The following ZUP1 variants were observed in gnomAD, a reference collection of about 807,000 sequenced individuals.
ZUP1 encodes zinc finger-containing ubiquitin peptidase 1.
ZUP1 carries 55 observed loss-of-function variants against 68.1 expected under a neutral mutation model. The ratio of observed to expected loss-of-function variants is 0.81; its 90% CI spans 0.65 to 1.01. The LOEUF is 1.01. Ranked by LOEUF, ZUP1 falls within the 50% of genes least tolerant of loss-of-function variation. The probability of loss-of-function intolerance (pLI) is 0.00; values close to 1 mark genes in which losing one functional copy is unlikely to be tolerated. For synonymous variants in ZUP1, 223 were observed against 221.5 expected (o/e 1.01, Z -0.06); for missense variants, 684 against 674.9 (o/e 1.01, Z -0.15).
intron 9 of ZUP1, among the ~76,000 whole-genome samples, chr6:116,639,478 C>G (rs975834816): frequency 6.6e-6 from 1 of 152,158 alleles, no homozygotes; most frequent in African/African-American, 2.4e-5. Context: ...GCCGGGTACT[C>G]CTCTGAGACA....
In ZUP1 at chr6:116,645,785, T is replaced by C. The variant is rs1237163226; in HGVS notation, c.1618A>G (p.Met540Val). 6 of 1,613,782 alleles carry C rather than the reference T, an allele frequency of 3.7e-6. No homozygotes were observed. Among genetic ancestry groups the C allele is most frequent in the Non-Finnish European group, 1.7e-6 (2 of 1,179,924 alleles). The change falls in exon 9 of 10, where the codon ATG becomes GTG. Residue 540 changes from methionine (M) to valine (V), a missense_variant. Transcript: ENST00000368576. ...TATTGCTTATGTTTTAAATTTCCCA[T>C]AGATTTCCGAAGTTGCTTGAGACTG... Reference protein sequence around the residue: ...ASSLKQLRKSMGNLKHKQYQI... With the variant: ...ASSLKQLRKSVGNLKHKQYQI...
At chr6:116,646,321 C>T (rs1331753198) in intron 8 of ZUP1, 1 of 163,190 alleles carries the variant, frequency 6.1e-6, no homozygotes, top group Non-Finnish European at 1.3e-5. Context: ...GTGGAGGGAG[C>T]TTAATCTCTT....
intron 5 of ZUP1, 105 bp downstream of exon 5, chr6:116,656,579 T>A: frequency 1.2e-6 from 1 of 866,618 alleles, no homozygotes; most frequent in Non-Finnish European, 1.7e-6. Flanking sequence ...TAAAAAAATA[T>A]TTGTGCACAG....
intron 2 of ZUP1, among the ~76,000 whole-genome samples, chr6:116,663,995 T>A (rs1776920672): frequency 6.6e-6 from 1 of 152,140 alleles, no homozygotes; most frequent in Non-Finnish European, 1.5e-5. Context: ...TAAGACTAGA[T>A]ACCTCAACTA....
rs1445905027 is a variant in ZUP1, at chr6:116,635,842, T to G, written c.1727A>C (p.Lys576Thr). Residue 576 changes from lysine (K) to threonine (T), a missense_variant, in exon 10 of 10, where the codon AAG becomes ACG. Lys to Thr is a moderately conservative substitution (Grantham distance 78). Transcript: ENST00000368576. ...TAAATGCTTGATTCTTCAAGGAATC[T>G]TCTCGGCTGTAAAGACTTGAGAAGC... Reference protein sequence around the residue: ...RQASQVFTAEKIP With the variant: ...RQASQVFTAETIP The G allele has an allele frequency of 1.3e-6, 2 of 1,597,946 alleles. No individual in the cohort carries two copies. Among genetic ancestry groups the G allele is most frequent in the Non-Finnish European group, 1.7e-6 (2 of 1,175,390 alleles).
chr6:116,636,094 C>T (rs1014125665), intron 9 of ZUP1, among the ~76,000 whole-genome samples: 1 of 151,914 alleles, frequency 6.6e-6, no homozygotes, highest in African/African-American at 2.4e-5. Context: ...AAAGACAAAA[C>T]AGTATGAAAT....
chr6:116,656,166 G>C (rs985343950), intron 5 of ZUP1, among the ~76,000 whole-genome samples: 4 of 151,558 alleles, frequency 2.6e-5, no homozygotes, highest in Non-Finnish European at 5.9e-5. Context: ...CGCAACCTCC[G>C]CCTCCCGGGT....
chr6:116,663,905 C>A (rs1367046183), intron 2 of ZUP1, among the ~76,000 whole-genome samples: 1 of 151,916 alleles, frequency 6.6e-6, no homozygotes, highest in South Asian at 2.1e-4. Context: ...CATGATCATG[C>A]CACTGAACTC....
intron 6 of ZUP1, 29 bp from the exon 7 acceptor site, chr6:116,651,766 T>TAAA: frequency 6.2e-7 from 1 of 1,610,202 alleles, no homozygotes; most frequent in Non-Finnish European, 8.5e-7. Context: ...ACATGTTACA[T>TAAA]GACTGTTAAT....
chr6:116,649,519 G>C (rs759024528), intron 7 of ZUP1, among the ~76,000 whole-genome samples: 5 of 151,948 alleles, frequency 3.3e-5, no homozygotes, highest in Non-Finnish European at 7.4e-5. Flanking sequence ...ATCAGAGAGA[G>C]GCTGAAAGCT....
intron 3 of ZUP1, 30 bp downstream of exon 3, chr6:116,660,706 A>C: frequency 7.9e-7 from 1 of 1,263,220 alleles, no homozygotes; most frequent in Non-Finnish European, 1.1e-6. Flanking sequence ...AAATTAAATG[A>C]TATTTTTATC....
Position 116,645,752 on chromosome 6 carries a change from A to G in ZUP1, c.1651T>C (p.Leu551=), listed in dbSNP as rs763793051. The G allele has an allele frequency of 6.2e-7, 1 of 1,613,832 alleles. No individual in the cohort carries two copies. Among genetic ancestry groups the G allele is most frequent in the Non-Finnish European group, 8.5e-7 (1 of 1,179,918 alleles). Reference sequence around the variant, plus strand: ...AGAGAAAGAGCACCCTCTACTGCCAATATCTGGTATTGCTTATGTTTTAAA... The same window carrying G: ...AGAGAAAGAGCACCCTCTACTGCCAGTATCTGGTATTGCTTATGTTTTAAA... The part of the protein sequence containing the change: ...GNLKHKQYQI[L]AVEGALSLEE... The change falls in exon 9 of 10, where the codon TTG becomes CTG. Residue 551 remains leucine, a synonymous_variant. Transcript: ENST00000368576.
rs1332335893 is a variant in ZUP1 at position 116,645,941 on chromosome 6, A to G, written c.1469-7T>C. On this transcript the variant is annotated splice_region_variant and splice_polypyrimidine_tract_variant and intron_variant, in intron 8 of 9. Transcript: ENST00000368576. The stretch of plus-strand genomic sequence containing the variant: ...ATAACAGTTCGACTGTGACCTATCA[A>G]AAGATTTTTAAGTTATACATACGTC... 3.7e-6 allele frequency: 6 copies of G among 1,601,216 alleles called. No individual in the cohort carries two copies. In the South Asian group the frequency reaches 5.6e-5, roughly 15 times the overall value.
At chr6:116,647,376 A>G in intron 8 of ZUP1, 83 bp downstream of exon 8, 1 of 1,253,168 alleles carries the variant, frequency 8.0e-7, no homozygotes, top group Non-Finnish European at 1.1e-6. Flanking sequence ...AAACAAACAA[A>G]CAAAAAACCT....
At chr6:116,665,938 A>T (rs575468518) in intron 2 of ZUP1, among the ~76,000 whole-genome samples, 1 of 152,062 alleles carries the variant, frequency 6.6e-6, no homozygotes, top group Admixed American at 6.5e-5. Flanking sequence ...TAAGATCCTA[A>T]ATGTGTACAC....
At chr6:116,642,283 C>T (rs1776129269) in intron 9 of ZUP1, among the ~76,000 whole-genome samples, 1 of 152,196 alleles carries the variant, frequency 6.6e-6, no homozygotes, top group Non-Finnish European at 1.5e-5. Flanking sequence ...AACATTCCTT[C>T]TGAAACTATT....
At chr6:116,636,067 C>A (rs1775903163) in intron 9 of ZUP1, among the ~76,000 whole-genome samples, 188 bp from the exon 10 acceptor site, 1 of 151,602 alleles carries the variant, frequency 6.6e-6, no homozygotes, top group Non-Finnish European at 1.5e-5. Context: ...AAGGCATAAA[C>A]AAAGAAAAGT....
At chr6:116,648,494 G>A (rs1228119520) in intron 7 of ZUP1, among the ~76,000 whole-genome samples, 2 of 152,190 alleles carry the variant, frequency 1.3e-5, no homozygotes, top group African/African-American at 4.8e-5. Flanking sequence ...TAAAAAGAAT[G>A]TTTTGGGGTT....
At chr6:116,655,187 G>A (rs2114261289) in intron 5 of ZUP1, among the ~76,000 whole-genome samples, 1 of 152,028 alleles carries the variant, frequency 6.6e-6, no homozygotes, top group Non-Finnish European at 1.5e-5. Flanking sequence ...TAGAAAACTG[G>A]AAACAATCTA....
Sources: allele counts gnomAD v4.1 joint callset (sites outside exome capture counted in the v4.1 genomes callset), GRCh38; gene constraint gnomAD v4.1.1; transcripts MANE v1.5; gene names NCBI Gene and HGNC (gene_info 2026-07-23, HGNC 2026-07-21).